Variants in FHIT observed in about 807,000 individuals in gnomAD.
The protein encoded by FHIT is bis(5'-adenosyl)-triphosphatase.
A neutral mutation model predicts 17.9 loss-of-function variants in FHIT; 19 were observed. That is an observed-to-expected ratio of 1.06 (90% confidence interval 0.74 to 1.56). The LOEUF is 1.56. Among genes scored for constraint, FHIT ranks in the 40% most tolerant of loss-of-function variants. The pLI is 0.00. For synonymous variants in FHIT, 81 were observed against 69.7 expected (o/e 1.16, Z -0.81); for missense variants, 248 against 189.2 (o/e 1.31, Z -1.82).
At chr3:60,538,963 CT>C (rs1182439608) in intron 4 of FHIT, among the ~76,000 whole-genome samples, 1 of 151,980 alleles carries the variant, frequency 6.6e-6, no homozygotes, top group Non-Finnish European at 1.5e-5. Flanking sequence ...AACTAAAGAG[CT>C]TCTGCACAGC....
At chr3:60,957,279 T>C (rs1286535968) in intron 3 of FHIT, among the ~76,000 whole-genome samples, 8 of 137,968 alleles carry the variant, frequency 5.8e-5, no homozygotes, top group Non-Finnish European at 1.1e-4. Flanking sequence ...ACTTTGTTGC[T>C]CAGGCTGGAG....
chr3:60,012,407 TA>T (rs1487400948), intron 6 of FHIT, among the ~76,000 whole-genome samples: 1 of 151,608 alleles, frequency 6.6e-6, no homozygotes, highest in African/African-American at 2.4e-5. Flanking sequence ...TAACTGGGAC[TA>T]CAGGCATGCA....
chr3:60,184,496 T>C (rs953138496), intron 5 of FHIT, among the ~76,000 whole-genome samples: 2 of 152,194 alleles, frequency 1.3e-5, no homozygotes, highest in African/African-American at 4.8e-5. Flanking sequence ...ACTATGTCTA[T>C]GGTTTTTTGG....
chr3:61,010,210 A>G (rs1046577594), intron 3 of FHIT, among the ~76,000 whole-genome samples: 3 of 152,226 alleles, frequency 2.0e-5, no homozygotes, highest in Non-Finnish European at 4.4e-5. Flanking sequence ...CAAAAAAAAA[A>G]AAAGTAAATG....
chr3:59,942,768 GCT>G (rs1300512433), intron 7 of FHIT, among the ~76,000 whole-genome samples: 2 of 151,636 alleles, frequency 1.3e-5, no homozygotes. Flanking sequence ...CCCACCTCAG[GCT>G]CCCAAAAAGC....
intron 5 of FHIT, among the ~76,000 whole-genome samples, chr3:60,253,840 G>A (rs1000473294): frequency 1.3e-5 from 2 of 152,142 alleles, no homozygotes; most frequent in Admixed American, 6.5e-5. Flanking sequence ...AGAATGCACA[G>A]GAAATTTCTG....
At chr3:60,912,921 T>C (rs1218663079) in intron 3 of FHIT, among the ~76,000 whole-genome samples, 1 of 152,246 alleles carries the variant, frequency 6.6e-6, no homozygotes, top group Non-Finnish European at 1.5e-5. Flanking sequence ...AATAAACTTC[T>C]GTTTTTTCTT....
chr3:61,198,441 C>T (rs1432169761), intron 2 of FHIT, among the ~76,000 whole-genome samples: 2 of 152,038 alleles, frequency 1.3e-5, no homozygotes, highest in Non-Finnish European at 2.9e-5. Context: ...TGAGTAGGGC[C>T]CCTGGTTACA....
At chr3:61,124,554 A>G (rs2036554320) in intron 2 of FHIT, among the ~76,000 whole-genome samples, 1 of 152,168 alleles carries the variant, frequency 6.6e-6, no homozygotes, top group African/African-American at 2.4e-5. Context: ...GGAGTTGGGA[A>G]GAGAAGCTTA....
chr3:60,006,584 C>T (rs1399043029), intron 7 of FHIT, among the ~76,000 whole-genome samples: 1 of 151,668 alleles, frequency 6.6e-6, no homozygotes, highest in Non-Finnish European at 1.5e-5. Context: ...CTACATATAC[C>T]ATGTACTGAA....
At chr3:61,250,053 C>T (rs531109483) in intron 1 of FHIT, among the ~76,000 whole-genome samples, 2 of 151,916 alleles carry the variant, frequency 1.3e-5, no homozygotes, top group South Asian at 2.1e-4. Flanking sequence ...GGACACAGGC[C>T]GGCAGCCATG....
At chr3:60,211,921 T>C (rs1175745220) in intron 5 of FHIT, among the ~76,000 whole-genome samples, 1 of 152,166 alleles carries the variant, frequency 6.6e-6, no homozygotes, top group African/African-American at 2.4e-5. Context: ...AATATATACA[T>C]ATTAAAGTAC....
At chr3:59,947,345 G>A (rs1029050188) in intron 7 of FHIT, among the ~76,000 whole-genome samples, 1 of 151,966 alleles carries the variant, frequency 6.6e-6, no homozygotes, top group African/African-American at 2.4e-5. Context: ...TATTTCTGGG[G>A]GGTTGGTGGT....
intron 7 of FHIT, among the ~76,000 whole-genome samples, chr3:59,954,143 A>G (rs1351111255): frequency 2.0e-5 from 3 of 151,926 alleles, no homozygotes; most frequent in African/African-American, 4.8e-5. Flanking sequence ...AGAAACCTTC[A>G]TGGGCACTTG....
At chr3:60,619,553 C>T (rs2682976) in intron 4 of FHIT, among the ~76,000 whole-genome samples, 1 of 146,108 alleles carries the variant, frequency 6.8e-6, no homozygotes, top group African/African-American at 2.6e-5. Flanking sequence ...AGAAAGCCCA[C>T]ATAGTCTTTT....
At chr3:60,632,652 A>C (rs2039476428) in intron 4 of FHIT, among the ~76,000 whole-genome samples, 1 of 152,212 alleles carries the variant, frequency 6.6e-6, no homozygotes, top group Admixed American at 6.5e-5. Flanking sequence ...AGCTAACGCC[A>C]TAATTTGACC....
intron 4 of FHIT, among the ~76,000 whole-genome samples, chr3:60,573,693 A>G (rs1576906746): frequency 6.6e-6 from 1 of 152,290 alleles, no homozygotes; most frequent in East Asian, 1.9e-4. Flanking sequence ...GCTGGGTGAG[A>G]GTGATGAGTC....
chr3:60,541,482 T>C (rs914552219), intron 4 of FHIT, among the ~76,000 whole-genome samples: 2 of 152,120 alleles, frequency 1.3e-5, no homozygotes, highest in African/African-American at 4.8e-5. Flanking sequence ...CACCATATTC[T>C]ACATGTGGGG....
intron 8 of FHIT, among the ~76,000 whole-genome samples, chr3:59,911,181 A>G (rs1007887248): frequency 3.9e-5 from 6 of 152,356 alleles, no homozygotes; most frequent in East Asian, 1.9e-4. Flanking sequence ...AGATGAATAT[A>G]TAGTATTAAA....
Sources: gnomAD v4.1 joint callset for allele counts (sites outside exome capture counted in the v4.1 genomes callset) on GRCh38, gnomAD v4.1.1 for gene constraint, MANE v1.5 for transcripts, NCBI Gene and HGNC (gene_info 2026-07-23, HGNC 2026-07-21) for gene names.